The following ENTHD1 variants were observed in gnomAD, a reference collection of about 807,000 sequenced individuals.
The protein encoded by ENTHD1 is ENTH domain containing 1.
ENTHD1 carries 23 observed loss-of-function variants against 39.1 expected under a neutral mutation model. That is an observed-to-expected ratio of 0.59 (90% confidence interval 0.42 to 0.83). The LOEUF is 0.83. Among genes scored for constraint, ENTHD1 ranks in the 40% least tolerant of loss-of-function variants. The pLI is 0.00. For synonymous variants in ENTHD1, 230 were observed against 258.2 expected (o/e 0.89, Z 1.05); for missense variants, 624 against 705.4 (o/e 0.88, Z 1.31).
intron 5 of ENTHD1, among the ~76,000 whole-genome samples, chr22:39,776,507 C>G (rs1158422412): frequency 6.6e-6 from 1 of 152,160 alleles, no homozygotes; most frequent in African/African-American, 2.4e-5. Context: ...TGCTTTTATA[C>G]CTGCCAATAT....
chr22:39,842,464 C>T (rs1457114826), intron 3 of ENTHD1, among the ~76,000 whole-genome samples: 1 of 152,132 alleles, frequency 6.6e-6, no homozygotes, highest in South Asian at 2.1e-4. Flanking sequence ...CTAGACTTCC[C>T]TTCTCGCTTC....
At chr22:39,851,672 C>T (rs567089653) in intron 3 of ENTHD1, among the ~76,000 whole-genome samples, 1 of 152,184 alleles carries the variant, frequency 6.6e-6, no homozygotes, top group Non-Finnish European at 1.5e-5. Context: ...CTCAAGACAG[C>T]CCCCAAACTC....
At chr22:39,808,969 C>T (rs924416994) in intron 5 of ENTHD1, among the ~76,000 whole-genome samples, 1 of 152,140 alleles carries the variant, frequency 6.6e-6, no homozygotes, top group Admixed American at 6.5e-5. Context: ...AATTGGATGT[C>T]TTAATGTCAA....
At chr22:39,870,070 G>A (rs1399418362) in intron 2 of ENTHD1, among the ~76,000 whole-genome samples, 1 of 151,854 alleles carries the variant, frequency 6.6e-6, no homozygotes. Context: ...AGGCTGGAGT[G>A]TAGTGGCACA....
chr22:39,827,748 A>C (rs1366513242), intron 4 of ENTHD1, among the ~76,000 whole-genome samples: 1 of 152,190 alleles, frequency 6.6e-6, no homozygotes, highest in Non-Finnish European at 1.5e-5. Context: ...AACTTTTAGG[A>C]GGATAATTTG....
chr22:39,858,183 GT>G (rs1331668840), intron 3 of ENTHD1, among the ~76,000 whole-genome samples: 1 of 152,144 alleles, frequency 6.6e-6, no homozygotes, highest in Non-Finnish European at 1.5e-5. Flanking sequence ...TGAATTCTTT[GT>G]TGGCATTGCA....
At position 39,796,922 on chromosome 22, in the gene ENTHD1, T is replaced by C. The variant is rs188045484; in HGVS notation, c.832+24071A>G. 4.9e-3 allele frequency among the ~76,000 whole-genome samples: 751 copies of C among 152,334 alleles called. 6 individuals carry two copies. Among genetic ancestry groups the C allele is most frequent in the Middle Eastern group, 0.02 (6 of 294 alleles). On this transcript the variant is annotated intron_variant, in intron 5 of 6. Coordinates refer to ENST00000325157, the MANE Select transcript of ENTHD1 (RefSeq NM_152512.4). ...GTAGTTAAAATACAACGTTTCTTTTTGATTTTCTGTCTAGATGATCTGTCT... is the reference window on the plus strand; with the variant it reads ...GTAGTTAAAATACAACGTTTCTTTTCGATTTTCTGTCTAGATGATCTGTCT...
chr22:39,751,863 G>A (rs1021799855), intron 6 of ENTHD1, among the ~76,000 whole-genome samples: 2 of 152,098 alleles, frequency 1.3e-5, no homozygotes, highest in African/African-American at 4.8e-5. Context: ...CTATGTAAAT[G>A]TGTATGTCTG....
intron 5 of ENTHD1, among the ~76,000 whole-genome samples, chr22:39,781,839 G>A (rs569605044): frequency 5.3e-5 from 8 of 152,110 alleles, no homozygotes; most frequent in African/African-American, 1.7e-4. Context: ...TAACAACAGA[G>A]ACTACAGAAA....
rs964217014 is a variant in ENTHD1, at chr22:39,820,996, C to T, written c.829G>A (p.Ala277Thr). 2 of 1,613,890 alleles carry T rather than the reference C, an allele frequency of 1.2e-6. No homozygotes were observed. The highest frequency in any genetic ancestry group is 1.7e-5 in the Admixed American group (1 of 60,010). Residue 277 changes from alanine (A) to threonine (T), a missense_variant, in exon 5 of 7, where the codon GCA becomes ACA. Transcript: ENST00000325157. ...TCCTATTCCTTAACCAATTTACCTG[C>T]ACCCGAAAGATTACAAACTTCTTCT... ...EAEEVCNLSG[A>T]DAVPTLSENS...
At chr22:39,851,973 T>C (rs962769032) in intron 3 of ENTHD1, among the ~76,000 whole-genome samples, 1 of 152,136 alleles carries the variant, frequency 6.6e-6, no homozygotes, top group African/African-American at 2.4e-5. Flanking sequence ...AAACAGCATA[T>C]AATTCCATTT....
intron 2 of ENTHD1, among the ~76,000 whole-genome samples, chr22:39,885,545 C>T (rs2146774433): frequency 6.6e-6 from 1 of 152,304 alleles, no homozygotes; most frequent in South Asian, 2.1e-4. Flanking sequence ...TACTTACACT[C>T]CCATGTTCAG....
At chr22:39,877,499 G>T (rs1418763976) in intron 2 of ENTHD1, among the ~76,000 whole-genome samples, 1 of 152,180 alleles carries the variant, frequency 6.6e-6, no homozygotes, top group African/African-American at 2.4e-5. Flanking sequence ...ACAGTACAGA[G>T]AATCATGGCT....
intron 5 of ENTHD1, among the ~76,000 whole-genome samples, chr22:39,814,295 C>CAAAAAAAAAAAAAAAA (rs77915572): frequency 0.041 from 3,961 of 96,314 alleles, 94 homozygotes; most frequent in South Asian, 0.058. Context: ...CCCATCTCTA[C>CAAAAAAAAAAAAAAAA]AAAAAAAAAA....
At chr22:39,836,936 C>A (rs955676754) in intron 3 of ENTHD1, among the ~76,000 whole-genome samples, 6 of 152,140 alleles carry the variant, frequency 3.9e-5, no homozygotes, top group African/African-American at 1.4e-4. Context: ...CCTGCAGAAC[C>A]ATAAACCAAT....
At chr22:39,800,308 T>G (rs1304698589) in intron 5 of ENTHD1, among the ~76,000 whole-genome samples, 3 of 152,254 alleles carry the variant, frequency 2.0e-5, no homozygotes, top group Non-Finnish European at 4.4e-5. Flanking sequence ...ATGTTCTATG[T>G]GAAGTGTGAT....
Position 39,762,928 on chromosome 22 carries a change from T to C in ENTHD1, c.1219+2295A>G, listed in dbSNP as rs532790531. ...TTTCTCCTATATTTCTGGCCGTTTT[T>C]TCATATCCTAGTATGCTTGGTAACT... On this transcript the variant is annotated intron_variant, in intron 6 of 6. Transcript: ENST00000325157. 1.2e-4 allele frequency among the ~76,000 whole-genome samples: 19 copies of C among 152,314 alleles called. No individual in the cohort carries two copies. In the East Asian group the frequency reaches 2.5e-3, roughly 20 times the overall value.
At chr22:39,820,453 A>G (rs146164524) in intron 5 of ENTHD1, among the ~76,000 whole-genome samples, 1 of 152,324 alleles carries the variant, frequency 6.6e-6, no homozygotes, top group African/African-American at 2.4e-5. Context: ...GTTCATGGAG[A>G]ATAGAGACAG....
At chr22:39,859,431 C>A (rs1481701726) in intron 3 of ENTHD1, among the ~76,000 whole-genome samples, 1 of 152,224 alleles carries the variant, frequency 6.6e-6, no homozygotes. Context: ...ACATGCCTTT[C>A]TCACTAAGTT....
Sources: gnomAD v4.1 joint callset for allele counts (sites outside exome capture counted in the v4.1 genomes callset) on GRCh38, gnomAD v4.1.1 for gene constraint, MANE v1.5 for transcripts, NCBI Gene and HGNC (gene_info 2026-07-23, HGNC 2026-07-21) for gene names.